The following BMP6 variants were observed in gnomAD, a reference collection of about 807,000 sequenced individuals.
BMP6 encodes the protein VG-1-R.
BMP6 carries 17 observed loss-of-function variants against 54.1 expected under a neutral mutation model. The ratio of observed to expected loss-of-function variants is 0.31; its 90% CI spans 0.22 to 0.47. The LOEUF (loss-of-function observed/expected upper bound fraction) is 0.47. Among genes scored for constraint, BMP6 ranks in the 20% least tolerant of loss-of-function variants. The pLI is 1.00. For missense variants in BMP6, 720 were observed against 690.4 expected (o/e 1.04, Z -0.48); for synonymous variants, 328 against 291.2 (o/e 1.13, Z -1.28).
chr6:7,860,788 G>A (rs1387339763), intron 2 of BMP6, among the ~76,000 whole-genome samples: 3 of 152,182 alleles, frequency 2.0e-5, no homozygotes, highest in Non-Finnish European at 4.4e-5. Flanking sequence ...GGCATGCGAT[G>A]TGGCTTCTTG....
intron 1 of BMP6, among the ~76,000 whole-genome samples, chr6:7,800,921 C>T (rs901203657): frequency 4.1e-5 from 6 of 147,886 alleles, no homozygotes; most frequent in Non-Finnish European, 5.9e-5. Context: ...GAGGGGGGGG[C>T]ACATGTCCTT....
Position 7,849,463 on chromosome 6 carries a change from C to T in BMP6, c.857+4131C>T, listed in dbSNP as rs185440239. ...CATGCATACTAAGCTGACTTCACAC[C>T]GGGAGTATAGACTGCTCTGAATGAC... On this transcript the variant is annotated intron_variant, in intron 2 of 6. Transcript: ENST00000283147. Among the ~76,000 whole-genome samples, 6 of 152,200 alleles carry T rather than the reference C, an allele frequency of 3.9e-5. No individual in the cohort carries two copies. The East Asian group carries it at 9.6e-4, about 24-fold the overall frequency.
At chr6:7,858,738 C>T (rs1054665707) in intron 2 of BMP6, among the ~76,000 whole-genome samples, 1 of 150,890 alleles carries the variant, frequency 6.6e-6, no homozygotes, top group African/African-American at 2.4e-5. Flanking sequence ...TTCCTCTGTC[C>T]CACTTGGCCC....
At chr6:7,831,871 G>A (rs1324592906) in intron 1 of BMP6, among the ~76,000 whole-genome samples, 1 of 152,182 alleles carries the variant, frequency 6.6e-6, no homozygotes, top group Non-Finnish European at 1.5e-5. Flanking sequence ...TGCCCATGGA[G>A]GATACTGCAG....
Position 7,744,032 on chromosome 6 carries a change from G to A in BMP6, c.664+16413G>A, listed in dbSNP as rs528342815. On this transcript the variant is annotated intron_variant, in intron 1 of 6. Transcript: ENST00000283147. ...ATTGTGAACAAAATTTCAACATATG[G>A]AAAAAGGGGAAGGTTTTACAGCAAA... Among the ~76,000 whole-genome samples the A allele has an allele frequency of 2.0e-5, 3 of 152,178 alleles. No homozygotes were observed. In the East Asian group the frequency reaches 5.8e-4, roughly 29 times the overall value.
At chr6:7,779,580 T>C (rs933946638) in intron 1 of BMP6, among the ~76,000 whole-genome samples, 1 of 152,214 alleles carries the variant, frequency 6.6e-6, no homozygotes, top group African/African-American at 2.4e-5. Flanking sequence ...CCTCAAGTGA[T>C]CTGCCTGCCT....
At chr6:7,803,272 T>C (rs1581254076) in intron 1 of BMP6, among the ~76,000 whole-genome samples, 1 of 151,812 alleles carries the variant, frequency 6.6e-6, no homozygotes, top group Admixed American at 6.6e-5. Context: ...GGGAGGGAGG[T>C]GACGGCCAGA....
chr6:7,783,395 G>A (rs540533949), intron 1 of BMP6, among the ~76,000 whole-genome samples: 4 of 152,266 alleles, frequency 2.6e-5, no homozygotes, highest in South Asian at 4.1e-4. Context: ...TTATTGGGTC[G>A]CTTCAAAGGT....
intron 1 of BMP6, among the ~76,000 whole-genome samples, chr6:7,791,263 G>A (rs939121007): frequency 1.3e-5 from 2 of 152,142 alleles, no homozygotes; most frequent in African/African-American, 2.4e-5. Flanking sequence ...TAATGTCAAC[G>A]ACTTTGGACG....
At chr6:7,806,744 AAATT>A (rs1254297250) in intron 1 of BMP6, among the ~76,000 whole-genome samples, 1 of 152,142 alleles carries the variant, frequency 6.6e-6, no homozygotes, top group Non-Finnish European at 1.5e-5. Flanking sequence ...CATCCTAATG[AAATT>A]AATATTTTCC....
intron 4 of BMP6, among the ~76,000 whole-genome samples, chr6:7,876,015 C>T (rs142203344): frequency 1.3e-5 from 2 of 152,212 alleles, no homozygotes; most frequent in East Asian, 1.9e-4. Flanking sequence ...GTCATGAGTC[C>T]GTACTTCAGA....
intron 1 of BMP6, among the ~76,000 whole-genome samples, chr6:7,747,172 G>A (rs1561758328): frequency 6.6e-6 from 1 of 152,240 alleles, no homozygotes; most frequent in Non-Finnish European, 1.5e-5. Context: ...TTAGATGTTC[G>A]ATGTCAGTGT....
chr6:7,833,194 C>T (rs762338577), intron 1 of BMP6, among the ~76,000 whole-genome samples: 18 of 152,158 alleles, frequency 1.2e-4, no homozygotes, highest in Non-Finnish European at 1.5e-4. Flanking sequence ...AAGCATCCAA[C>T]GGTGTGCTCT....
intron 1 of BMP6, among the ~76,000 whole-genome samples, chr6:7,747,905 C>T (rs948151666): frequency 2.6e-5 from 4 of 152,152 alleles, no homozygotes; most frequent in Non-Finnish European, 4.4e-5. Flanking sequence ...CTCAGCCTCC[C>T]AAAGTGCTGG....
At chr6:7,763,412 CA>C (rs1230933747) in intron 1 of BMP6, among the ~76,000 whole-genome samples, 1 of 152,084 alleles carries the variant, frequency 6.6e-6, no homozygotes, top group Non-Finnish European at 1.5e-5. Context: ...ACTCCAAAAA[CA>C]AAACAAGAAG....
intron 1 of BMP6, among the ~76,000 whole-genome samples, chr6:7,747,382 A>G (rs1204662711): frequency 1.3e-5 from 2 of 152,226 alleles, no homozygotes; most frequent in East Asian, 1.9e-4. Context: ...ATTTGATGGA[A>G]GAAGAGGCAA....
At chr6:7,728,459 C>G (rs1179958347) in intron 1 of BMP6, among the ~76,000 whole-genome samples, 3 of 152,168 alleles carry the variant, frequency 2.0e-5, no homozygotes, top group African/African-American at 7.2e-5. Flanking sequence ...AATGGAGCTC[C>G]GCCACAAATG....
intron 1 of BMP6, among the ~76,000 whole-genome samples, chr6:7,779,495 C>T (rs570198594): frequency 5.9e-5 from 9 of 152,062 alleles, no homozygotes; most frequent in African/African-American, 1.7e-4. Flanking sequence ...CCCACCACCA[C>T]GCCCAGGCTA....
chr6:7,836,732 T>C (rs1003077602), intron 1 of BMP6, among the ~76,000 whole-genome samples: 2 of 152,238 alleles, frequency 1.3e-5, no homozygotes, highest in African/African-American at 4.8e-5. Context: ...TGAATACAAA[T>C]ACTTAGAAAT....
Sources: allele counts gnomAD v4.1 joint callset (sites outside exome capture counted in the v4.1 genomes callset), GRCh38; gene constraint gnomAD v4.1.1; transcripts MANE v1.5; gene names NCBI Gene and HGNC (gene_info 2026-07-23, HGNC 2026-07-21).